BLM: variants seen among roughly 807,000 people sequenced by gnomAD.
The protein encoded by BLM is recQ-like DNA helicase BLM.
A neutral mutation model predicts 135.3 loss-of-function variants in BLM; 95 were observed. The ratio of observed to expected loss-of-function variants is 0.70; its 90% CI spans 0.59 to 0.83. The LOEUF is 0.83. Among genes scored for constraint, BLM ranks in the 40% least tolerant of loss-of-function variants. The pLI is 0.00. For missense variants in BLM, 1,518 were observed against 1,663.9 expected, an observed-to-expected ratio of 0.91 and a Z score of 1.53; for synonymous variants, 520 against 589.2, an observed-to-expected ratio of 0.88 and a Z score of 1.70.
chr15:90,766,984 A>G lies in BLM; in HGVS notation c.2268A>G (p.Lys756=), dbSNP rs146013879. The G allele has an allele frequency of 2.3e-3, 3,687 of 1,599,836 alleles. 5 individuals carry two copies. The highest frequency in any genetic ancestry group is 5.0e-3 in the Middle Eastern group (30 of 6,018). ...ATATTTACCTCCAGTTATCAAAAAA[A>G]GACCCAATCATAAAACTTCTATATG... is the stretch of plus-strand genomic sequence containing the variant. ...ATNIYLQLSK[K]DPIIKLLYVT... is the part of the protein sequence containing the mutation. The change falls in exon 10 of 22, where the codon AAA becomes AAG. Residue 756 remains lysine, a synonymous_variant. Coordinates refer to ENST00000355112, the MANE Select transcript of BLM (RefSeq NM_000057.4).
In BLM at chr15:90,749,919, A is replaced by T. The variant is rs1258361408; in HGVS notation, c.651A>T (p.Gln217His). Residue 217 changes from glutamine (Q) to histidine (H), a missense_variant, in exon 3 of 22, where the codon CAA (glutamine) becomes CAT (histidine). Around this residue, in one of 5 missense-constraint regions of BLM, gnomAD observed 724 missense variants for 756.9 expected, o/e 0.96. Coordinates refer to ENST00000355112, the MANE Select transcript of BLM (RefSeq NM_000057.4). Reference sequence around the variant, plus strand: ...CTCCACCCTCCTCTGAAAGCGAGCAAATAGATTTGACTGAGGAACAGAAGG... The same window carrying T: ...CTCCACCCTCCTCTGAAAGCGAGCATATAGATTTGACTGAGGAACAGAAGG... ...DLPPPSSESEQIDLTEEQKDD... is the reference protein window; with the variant it reads ...DLPPPSSESEHIDLTEEQKDD... 3.1e-6 allele frequency: 5 copies of T among 1,613,482 alleles called. No individual in the cohort carries two copies. The highest frequency in any genetic ancestry group is 4.2e-6 in the Non-Finnish European group (5 of 1,179,372).
chr15:90,800,462 C>G (rs113216645), intron 17 of BLM, among the ~76,000 whole-genome samples: 1 of 151,952 alleles, frequency 6.6e-6, no homozygotes, highest in Non-Finnish European at 1.5e-5. Flanking sequence ...GCGGGCGGAT[C>G]ACAAGGTCAG....
chr15:90,767,427 C>G (rs1185432364), intron 10 of BLM, among the ~76,000 whole-genome samples: 2 of 152,212 alleles, frequency 1.3e-5, no homozygotes, highest in Non-Finnish European at 2.9e-5. Flanking sequence ...AATCCCAGAT[C>G]ATGCATGCAT....
chr15:90,787,332 C>T (rs1246896893), intron 14 of BLM, among the ~76,000 whole-genome samples: 4 of 151,898 alleles, frequency 2.6e-5, no homozygotes, highest in African/African-American at 7.2e-5. Flanking sequence ...GGATTACAGG[C>T]GTGAGCCACC....
At chr15:90,783,706 C>A (rs1432214956) in intron 13 of BLM, among the ~76,000 whole-genome samples, 1 of 152,086 alleles carries the variant, frequency 6.6e-6, no homozygotes, top group East Asian at 1.9e-4. Flanking sequence ...TCAAGACCAG[C>A]CTGGCCAAAA....
Position 90,762,927 on chromosome 15 carries a change from T to C in BLM, c.1883-39T>C, listed in dbSNP as rs540472503. On this transcript the variant is annotated intron_variant, in intron 7 of 21. Transcript: ENST00000355112. Reference sequence around the variant, plus strand: ...TGCTAAAGCTGTACTTTCACTGTATTCATGTACTGATTTTTCTTAACGTTG... The same window carrying C: ...TGCTAAAGCTGTACTTTCACTGTATCCATGTACTGATTTTTCTTAACGTTG... The C allele has an allele frequency of 1.5e-4, 235 of 1,556,266 alleles. 1 individual carries two copies. The South Asian group carries it at 2.5e-3, about 17-fold the overall frequency.
chr15:90,756,576 C>T lies in BLM; in HGVS notation c.1087+1638C>T, dbSNP rs140840193. Among the ~76,000 whole-genome samples the T allele has an allele frequency of 1.4e-4, 21 of 152,288 alleles. 1 individual carries two copies. The East Asian group carries it at 4.0e-3, about 29-fold the overall frequency. On this transcript the variant is annotated intron_variant, in intron 5 of 21. Transcript: ENST00000355112. ...CAACTGCATTATACTGTCTCTGTAT[C>T]ATTAAGTTTCACTAATAAAATGGTT... is the stretch of plus-strand genomic sequence containing the variant.
chr15:90,754,954 T>C lies in BLM; in HGVS notation c.1087+16T>C. On this transcript the variant is annotated intron_variant, in intron 5 of 21. Coordinates refer to ENST00000355112, the MANE Select transcript of BLM (RefSeq NM_000057.4). ...GACTGTGACGGTACAAGCAATATTT[T>C]AGACATACCATGTATTTCAACTACT... The C allele has an allele frequency of 1.2e-6, 2 of 1,613,382 alleles. No individual in the cohort carries two copies. Among genetic ancestry groups the C allele is most frequent in the Non-Finnish European group, 1.7e-6 (2 of 1,179,840 alleles).
intron 9 of BLM, among the ~76,000 whole-genome samples, chr15:90,766,017 G>A (rs1896115329): frequency 6.6e-6 from 1 of 152,242 alleles, no homozygotes; most frequent in African/African-American, 2.4e-5. Context: ...GCTGAGGGAA[G>A]AGGGTCGCTA....
chr15:90,756,951 C>A (rs1345601759), intron 5 of BLM, among the ~76,000 whole-genome samples: 1 of 152,164 alleles, frequency 6.6e-6, no homozygotes, highest in African/African-American at 2.4e-5. Flanking sequence ...TGATATCTAC[C>A]TTGCTGGGTA....
chr15:90,807,656 T>A (rs1897314211), intron 19 of BLM, among the ~76,000 whole-genome samples: 1 of 152,198 alleles, frequency 6.6e-6, no homozygotes, highest in South Asian at 2.1e-4. Flanking sequence ...TGTCTCAGCC[T>A]CCCAAAGTAT....
intron 11 of BLM, 82 bp downstream of exon 11, chr15:90,769,313 A>G: frequency 6.5e-7 from 1 of 1,537,274 alleles, no homozygotes; most frequent in East Asian, 2.2e-5. Flanking sequence ...AAAAACCCAC[A>G]CTGAGTGAAC....
At chr15:90,768,032 A>G (rs1354722694) in intron 10 of BLM, among the ~76,000 whole-genome samples, 1 of 151,352 alleles carries the variant, frequency 6.6e-6, no homozygotes, top group Non-Finnish European at 1.5e-5. Flanking sequence ...GCTCACTGCA[A>G]CCTGGGTTCA....
chr15:90,756,926 A>G (rs1161117699), intron 5 of BLM, among the ~76,000 whole-genome samples: 1 of 152,206 alleles, frequency 6.6e-6, no homozygotes, highest in Admixed American at 6.5e-5. Context: ...TTTTTCTTCT[A>G]TAAAATGAGG....
intron 9 of BLM, among the ~76,000 whole-genome samples, chr15:90,765,884 G>A (rs1035083354): frequency 1.3e-5 from 2 of 152,162 alleles, no homozygotes; most frequent in Admixed American, 6.5e-5. Context: ...AGGCAAAGGT[G>A]GGAGGATTGC....
Position 90,815,503 on chromosome 15 carries a change from A to G in BLM, c.*224A>G, listed in dbSNP as rs1897539720. On this transcript the variant is annotated 3_prime_UTR_variant, in exon 22 of 22. Coordinates refer to ENST00000355112, the MANE Select transcript of BLM (RefSeq NM_000057.4). This position sits in a 1 kb window ranked among gnomAD's most constrained non-coding sequence, Gnocchi z 4.6. The stretch of plus-strand genomic sequence containing the variant: ...GCAAGTGTTGTGGCCGTTGTTTCTC[A>G]GAACGTCTGAGGCAGCAGCTGAATC... 4 of 559,836 alleles carry G rather than the reference A, an allele frequency of 7.1e-6. No individual in the cohort carries two copies. The highest frequency in any genetic ancestry group is 1.2e-5 in the Non-Finnish European group (4 of 322,756). 34.7% of individuals were successfully genotyped at this position (559,836 alleles called of 1,614,324 possible). A position where few individuals can be genotyped will look rare whatever the true frequency, so the allele number is the denominator to read the frequency against.
chr15:90,732,343 A>G (rs1895090414), intron 1 of BLM, among the ~76,000 whole-genome samples: 1 of 152,162 alleles, frequency 6.6e-6, no homozygotes, highest in South Asian at 2.1e-4. Flanking sequence ...CAAGTAAACA[A>G]TTTACATTCA....
intron 1 of BLM, among the ~76,000 whole-genome samples, chr15:90,734,669 A>G (rs76158832): frequency 0.025 from 3,551 of 139,890 alleles, 162 homozygotes; most frequent in African/African-American, 0.093. Flanking sequence ...ACACGCGCGC[A>G]CGCACGCACA....
At chr15:90,717,615 C>T (rs1329136110) in intron 1 of BLM, among the ~76,000 whole-genome samples, 175 bp downstream of exon 1, 1 of 152,236 alleles carries the variant, frequency 6.6e-6, no homozygotes, top group Non-Finnish European at 1.5e-5. Context: ...TACATAAATA[C>T]GTTCCCAAAT....
Sources: gnomAD v4.1 joint callset for allele counts (sites outside exome capture counted in the v4.1 genomes callset) on GRCh38, gnomAD v4.1.1 for gene constraint, gnomAD v4.1.1 regional missense constraint, Gnocchi (gnomAD v3.1) non-coding constraint, MANE v1.5 for transcripts, NCBI Gene and HGNC (gene_info 2026-07-23, HGNC 2026-07-21) for gene names.